Variants in TPD52L2 observed in about 807,000 individuals in gnomAD.
TPD52L2 encodes the protein tumor protein D54.
A neutral mutation model predicts 24.7 loss-of-function variants in TPD52L2; 19 were observed. The ratio of observed to expected loss-of-function variants is 0.77; its 90% CI spans 0.54 to 1.13. TPD52L2 has a LOEUF of 1.13. TPD52L2 is among the 50% of genes most tolerant of loss of function. TPD52L2 has a pLI of 0.00. For synonymous variants in TPD52L2, 104 were observed against 100.2 expected, an observed-to-expected ratio of 1.04 and a Z score of -0.23; for missense variants, 236 against 250.4, an observed-to-expected ratio of 0.94 and a Z score of 0.39.
intron 5 of TPD52L2, among the ~76,000 whole-genome samples, chr20:63,885,416 G>A (rs1445854579): frequency 2.6e-5 from 4 of 152,250 alleles, no homozygotes; most frequent in Non-Finnish European, 5.9e-5. Flanking sequence ...GTCAGAGTGG[G>A]CCTGGCTGCA....
intron 1 of TPD52L2, among the ~76,000 whole-genome samples, chr20:63,866,132 G>C (rs894942788): frequency 6.6e-6 from 1 of 151,926 alleles, no homozygotes; most frequent in Non-Finnish European, 1.5e-5. Flanking sequence ...TTGAGACGGA[G>C]TCTTGCTCTG....
At position 63,890,188 on chromosome 20, in the gene TPD52L2, G is replaced by C. The variant is rs1194353532; in HGVS notation, c.*243G>C. On this transcript the variant is annotated 3_prime_UTR_variant, in exon 7 of 7. Coordinates refer to ENST00000346249, the MANE Select transcript of TPD52L2 (RefSeq NM_003288.4). ...ACAGATCACTGTGCTGTCCTTCCTA[G>C]GGGTGCAGGAAGTGGACAGGGCGGA... The C allele has an allele frequency of 2.2e-6, 2 of 909,280 alleles. No individual in the cohort carries two copies. The highest frequency in any genetic ancestry group is 3.4e-5 in the African/African-American group (2 of 59,520). The allele number at this position is 909,280 out of a possible 1,614,324, so 56.3% of individuals were successfully genotyped here. A position where few individuals can be genotyped will look rare whatever the true frequency, so the allele number is the denominator to read the frequency against.
chr20:63,890,003 C>G lies in TPD52L2; in HGVS notation c.*58C>G. ...CGCAACCCAGCCTCAGCATCACAGC[C>G]GCAGCTCTGTTCAGCGGAGCAGCCA... On this transcript the variant is annotated 3_prime_UTR_variant, in exon 7 of 7. Transcript: ENST00000346249. 1 of 1,607,926 alleles carries G rather than the reference C, an allele frequency of 6.2e-7. No individual in the cohort carries two copies. Among genetic ancestry groups the G allele is most frequent in the African/African-American group, 1.3e-5 (1 of 74,970 alleles).
intron 1 of TPD52L2, among the ~76,000 whole-genome samples, chr20:63,868,250 G>C (rs898526269): frequency 6.6e-6 from 1 of 152,192 alleles, no homozygotes; most frequent in Non-Finnish European, 1.5e-5. Context: ...TGGTCAACAG[G>C]GAAAGTGTTA....
chr20:63,885,914 G>A (rs925632641), intron 5 of TPD52L2: 2 of 1,261,216 alleles, frequency 1.6e-6, no homozygotes, highest in Non-Finnish European at 2.3e-6. Context: ...CTGAGCACGA[G>A]CAGGGGGCCT....
At chr20:63,870,241 G>A (rs2052406727) in intron 2 of TPD52L2, among the ~76,000 whole-genome samples, 1 of 152,206 alleles carries the variant, frequency 6.6e-6, no homozygotes, top group East Asian at 1.9e-4. Context: ...ATAATTTTTA[G>A]TCAAACCAAC....
At chr20:63,879,529 G>T (rs909945681) in intron 4 of TPD52L2, among the ~76,000 whole-genome samples, 1 of 152,174 alleles carries the variant, frequency 6.6e-6, no homozygotes, top group African/African-American at 2.4e-5. Context: ...TGAAGGCCGG[G>T]CACAGGCGGT....
chr20:63,884,214 G>A (rs2053012885), intron 5 of TPD52L2, among the ~76,000 whole-genome samples: 1 of 152,088 alleles, frequency 6.6e-6, no homozygotes, highest in African/African-American at 2.4e-5. Flanking sequence ...TCCTTGTGGG[G>A]CACCCTACAA....
At chr20:63,888,922 G>T in intron 5 of TPD52L2, 1 of 546,890 alleles carries the variant, frequency 1.8e-6, no homozygotes, top group Non-Finnish European at 3.3e-6. Context: ...GAGAGGGGCC[G>T]ACATCTCCCC....
chr20:63,887,885 T>C, intron 5 of TPD52L2: 2 of 530,494 alleles, frequency 3.8e-6, no homozygotes, highest in Non-Finnish European at 6.7e-6. Flanking sequence ...CTGCCTGCAG[T>C]GGGTGGGGTG....
intron 5 of TPD52L2, among the ~76,000 whole-genome samples, chr20:63,883,312 A>G (rs933200906): frequency 6.6e-6 from 1 of 152,188 alleles, no homozygotes; most frequent in Non-Finnish European, 1.5e-5. Flanking sequence ...CCTCCTGGCC[A>G]TCAGAGGTCC....
At chr20:63,867,036 C>G (rs1235070210) in intron 1 of TPD52L2, among the ~76,000 whole-genome samples, 1 of 151,658 alleles carries the variant, frequency 6.6e-6, no homozygotes, top group Non-Finnish European at 1.5e-5. Flanking sequence ...TTCCCGCAAC[C>G]TCTGCCTTCT....
intron 2 of TPD52L2, among the ~76,000 whole-genome samples, chr20:63,873,044 C>T (rs2052525938): frequency 7.7e-6 from 1 of 129,840 alleles, no homozygotes; most frequent in African/African-American, 2.7e-5. Context: ...ATGCCCAGTC[C>T]TAGTAAAGAG....
intron 5 of TPD52L2, chr20:63,887,076 C>CCTACAAATGCAGGTCT: frequency 4.6e-6 from 1 of 217,360 alleles, no homozygotes; most frequent in Non-Finnish European, 9.3e-6. Context: ...ATAGGTGTGC[C>CCTACAAATGCAGGTCT]TCCCAAAGGG....
intron 5 of TPD52L2, among the ~76,000 whole-genome samples, chr20:63,886,373 T>G (rs950291491): frequency 2.0e-5 from 3 of 152,000 alleles, no homozygotes; most frequent in African/African-American, 7.2e-5. Context: ...AGCTTTTTTT[T>G]TTTTTTAGAC....
chr20:63,868,221 G>C (rs1365802558), intron 1 of TPD52L2, among the ~76,000 whole-genome samples: 1 of 152,192 alleles, frequency 6.6e-6, no homozygotes, highest in Non-Finnish European at 1.5e-5. Context: ...CAGTAAGCCT[G>C]TTTCTTTTCA....
chr20:63,868,366 GA>G (rs1474074199), intron 1 of TPD52L2, among the ~76,000 whole-genome samples: 1 of 152,224 alleles, frequency 6.6e-6, no homozygotes, highest in African/African-American at 2.4e-5. Context: ...TTGACATGAA[GA>G]AAAAACAGTG....
intron 1 of TPD52L2, 140 bp downstream of exon 1, chr20:63,865,524 C>G: frequency 2.6e-6 from 3 of 1,137,172 alleles, no homozygotes; most frequent in Non-Finnish European, 3.6e-6. Context: ...GCTCCCGGGG[C>G]CACTGACCTC....
At chr20:63,888,446 CTT>C (rs1483685921) in intron 5 of TPD52L2, 1 of 150,082 alleles carries the variant, frequency 6.7e-6, no homozygotes, top group Non-Finnish European at 1.5e-5. Context: ...ACTGCGCAGA[CTT>C]TTCATAACCT....
Sources: gnomAD v4.1 joint callset for allele counts (sites outside exome capture counted in the v4.1 genomes callset) on GRCh38, gnomAD v4.1.1 for gene constraint, MANE v1.5 for transcripts, NCBI Gene and HGNC (gene_info 2026-07-23, HGNC 2026-07-21) for gene names.